The following MYSM1 variants were observed in gnomAD, a reference collection of about 807,000 sequenced individuals.
MYSM1 encodes Myb like, SWIRM and MPN domains 1, also known as deubiquitinase MYSM1.
A neutral mutation model predicts 116.0 loss-of-function variants in MYSM1; 51 were observed. That is an observed-to-expected ratio of 0.44 (90% CI 0.35 to 0.56). The LOEUF is 0.56. MYSM1 is among the 20% of genes least tolerant of loss of function. The pLI, the probability that MYSM1 is intolerant of heterozygous loss-of-function variation, is 0.00. For missense variants in MYSM1, 900 were observed against 974.9 expected (o/e 0.92, Z 1.02); for synonymous variants, 313 against 315.2 (o/e 0.99, Z 0.07).
At chr1:58,665,314 T>C (rs17118050) in intron 17 of MYSM1, among the ~76,000 whole-genome samples, 185 bp downstream of exon 17, 3,192 of 152,274 alleles carry the variant, frequency 0.021, 97 homozygotes, top group African/African-American at 0.071. Flanking sequence ...GGGACTTGAA[T>C]ATAGCAGGAG....
intron 3 of MYSM1, among the ~76,000 whole-genome samples, chr1:58,691,126 A>T (rs1213808819): frequency 6.6e-6 from 1 of 151,978 alleles, no homozygotes; most frequent in Non-Finnish European, 1.5e-5. Flanking sequence ...AAAAAACAGA[A>T]AAAATTAGCC....
Position 58,682,412 on chromosome 1 carries a change from G to A in MYSM1, c.632C>T (p.Ala211Val), listed in dbSNP as rs1255028010. The change falls in exon 8 of 20, where the codon GCT (alanine) becomes GTT (valine). Residue 211 changes from alanine (A) to valine (V), a missense_variant. Transcript: ENST00000472487. ...ATCAGATAACTTTTCAATTTTTACA[G>A]CATTCAAGTTGGGATCAGCACGTCC... ...LRGRADPNLN[A>V]VKIEKLSDDE... is the part of the protein sequence containing the mutation. The A allele has an allele frequency of 6.2e-7, 1 of 1,614,128 alleles. No homozygotes were observed. The highest frequency in any genetic ancestry group is 1.3e-5 in the African/African-American group (1 of 75,024).
intron 8 of MYSM1, among the ~76,000 whole-genome samples, chr1:58,678,458 A>T (rs1435001889): frequency 6.6e-6 from 1 of 152,178 alleles, no homozygotes; most frequent in African/African-American, 2.4e-5. Flanking sequence ...ACAAATGGTA[A>T]GGACTCTAAA....
At chr1:58,683,975 T>C (rs1240398615) in intron 7 of MYSM1, among the ~76,000 whole-genome samples, 3 of 152,100 alleles carry the variant, frequency 2.0e-5, no homozygotes, top group African/African-American at 7.2e-5. Context: ...ATACATAGCA[T>C]GTATCTTGGA....
At position 58,675,466 on chromosome 1, in the gene MYSM1, T is replaced by C. The variant is rs759547905; in HGVS notation, c.1494+11A>G. ...AATGTGGAGAGATCACTGAGAGAGA[T>C]GACTGCTTACCATAGACTGCAGACG... On this transcript the variant is annotated intron_variant, in intron 10 of 19. Transcript: ENST00000472487. 5.0e-6 allele frequency: 8 copies of C among 1,593,222 alleles called. No homozygotes were observed. The highest frequency in any genetic ancestry group is 6.9e-6 in the Non-Finnish European group (8 of 1,163,864).
At chr1:58,670,438 T>C (rs1316436010) in intron 12 of MYSM1, among the ~76,000 whole-genome samples, 1 of 152,180 alleles carries the variant, frequency 6.6e-6, no homozygotes, top group East Asian at 1.9e-4. Flanking sequence ...AGGAACTAGA[T>C]GTTGAACAGT....
At chr1:58,661,535 T>C (rs232780) in intron 17 of MYSM1, 24 bp from the exon 18 acceptor site, 267,640 of 1,292,124 alleles carry the variant, frequency 0.21, 31,279 homozygotes, top group African/African-American at 0.41. Flanking sequence ...AAGAAGCACA[T>C]TGTCATCAAC....
At chr1:58,687,475 A>G (rs1220811423) in intron 6 of MYSM1, among the ~76,000 whole-genome samples, 2 of 152,174 alleles carry the variant, frequency 1.3e-5, no homozygotes, top group African/African-American at 4.8e-5. Context: ...CCCAAAAATG[A>G]ACCTTAAATT....
intron 1 of MYSM1, among the ~76,000 whole-genome samples, chr1:58,698,098 A>ATTTTTTTTTTTTTT (rs1386142383): frequency 9.6e-4 from 29 of 30,230 alleles, no homozygotes; most frequent in Middle Eastern, 0.026. Context: ...ATATATATAT[A>ATTTTTTTTTTTTTT]TATATTTTTT....
chr1:58,682,383 C>T lies in MYSM1; in HGVS notation c.661G>A (p.Glu221Lys). 1 of 1,614,210 alleles carries T rather than the reference C, an allele frequency of 6.2e-7. No homozygotes were observed. The highest frequency in any genetic ancestry group is 1.1e-5 in the South Asian group (1 of 91,086). The change falls in exon 8 of 20, where the codon GAA becomes AAA. Residue 221 changes from glutamate to lysine, a missense_variant. Physicochemically the swap from Glu to Lys is moderately conservative, Grantham distance 56. Around this residue, in one of 3 missense-constraint regions of MYSM1, gnomAD observed 622 missense variants for 623.7 expected, o/e 1.00. Coordinates refer to ENST00000472487, the MANE Select transcript of MYSM1 (RefSeq NM_001085487.3). Reference protein sequence around the residue: ...AVKIEKLSDDEEVDITDEVDE... With the variant: ...AVKIEKLSDDKEVDITDEVDE... The stretch of plus-strand genomic sequence containing the variant: ...ACCTCATCTGTGATGTCTACTTCTT[C>T]ATCATCAGATAACTTTTCAATTTTT...
intron 3 of MYSM1, 74 bp from the exon 4 acceptor site, chr1:58,690,491 G>A: frequency 1.0e-6 from 1 of 1,000,422 alleles, no homozygotes. Flanking sequence ...TACAAAACGT[G>A]TGCTACATAA....
In MYSM1 at chr1:58,668,697, A is replaced by G. The variant is rs758547098; in HGVS notation, c.1717-15T>C. 26 of 1,593,030 alleles carry G rather than the reference A, an allele frequency of 1.6e-5. No individual in the cohort carries two copies. In the African/African-American group the frequency reaches 2.3e-4, roughly 14 times the overall value. ...TGAAATGGCTCCTGAAATATAAAAA[A>G]CAAAACAAAACGGGGGAGCATAAAA... is the stretch of plus-strand genomic sequence containing the variant. On this transcript the variant is annotated splice_polypyrimidine_tract_variant and intron_variant, in intron 13 of 19. Coordinates refer to ENST00000472487, the MANE Select transcript of MYSM1 (RefSeq NM_001085487.3).
intron 3 of MYSM1, among the ~76,000 whole-genome samples, chr1:58,691,993 T>A (rs1246892709): frequency 6.6e-6 from 1 of 152,226 alleles, no homozygotes; most frequent in Non-Finnish European, 1.5e-5. Context: ...TTAGGTTATA[T>A]AATATATAGT....
At chr1:58,687,254 T>C (rs1644839963) in intron 6 of MYSM1, among the ~76,000 whole-genome samples, 1 of 152,180 alleles carries the variant, frequency 6.6e-6, no homozygotes. Flanking sequence ...GAGGTCTACA[T>C]ATCTCTATAT....
At chr1:58,697,867 G>A (rs1203974011) in intron 1 of MYSM1, among the ~76,000 whole-genome samples, 5 of 151,344 alleles carry the variant, frequency 3.3e-5, no homozygotes, top group African/African-American at 1.2e-4. Context: ...GGGATTACAG[G>A]CATGAGCCAC....
chr1:58,691,055 G>T (rs111596701), intron 3 of MYSM1, among the ~76,000 whole-genome samples: 8 of 151,616 alleles, frequency 5.3e-5, no homozygotes, highest in Non-Finnish European at 1.0e-4. Flanking sequence ...CGAGGCAGGC[G>T]GATCACAAGG....
In MYSM1 at chr1:58,667,100, A is replaced by T. The variant is rs765047384; in HGVS notation, c.1969T>A (p.Ser657Thr). The T allele has an allele frequency of 6.2e-7, 1 of 1,613,684 alleles. No individual in the cohort carries two copies. Among genetic ancestry groups the T allele is most frequent in the South Asian group, 1.1e-5 (1 of 91,032 alleles). ...GGATTAGGATCAAAAGCAGGATGAG[A>T]ATGATACCATCCAATAACACTGAAG... Reference protein sequence around the residue: ...RGFSVIGWYHSHPAFDPNPSL... With the variant: ...RGFSVIGWYHTHPAFDPNPSL... Residue 657 changes from serine to threonine, a missense_variant, in exon 16 of 20, where the codon TCT becomes ACT. By Grantham distance (58) the Ser-to-Thr change is moderately conservative. Coordinates refer to ENST00000472487, the MANE Select transcript of MYSM1 (RefSeq NM_001085487.3).
intron 12 of MYSM1, among the ~76,000 whole-genome samples, chr1:58,669,850 A>AC (rs1644531310): frequency 1.4e-5 from 2 of 147,858 alleles, no homozygotes; most frequent in South Asian, 2.1e-4. Flanking sequence ...AAAAAAAAAA[A>AC]AAAAAAAAAA....
chr1:58,695,572 T>C (rs1363514286), intron 1 of MYSM1, among the ~76,000 whole-genome samples: 1 of 151,990 alleles, frequency 6.6e-6, no homozygotes, highest in Non-Finnish European at 1.5e-5. Context: ...TACCCATGTG[T>C]ATACAGGAAT....
Sources: gnomAD v4.1 joint callset for allele counts (sites outside exome capture counted in the v4.1 genomes callset) on GRCh38, gnomAD v4.1.1 for gene constraint, gnomAD v4.1.1 regional missense constraint, MANE v1.5 for transcripts, NCBI Gene and HGNC (gene_info 2026-07-23, HGNC 2026-07-21) for gene names.